Variants in MCTP2 observed in about 807,000 individuals in gnomAD.
MCTP2 encodes multiple C2 and transmembrane domain containing 2.
In MCTP2, 132 loss-of-function variants were observed where a neutral mutation model predicts 111.6. The observed-to-expected ratio is 1.18, with a 90% CI of 1.03 to 1.37. The LOEUF (loss-of-function observed/expected upper bound fraction) is 1.37, where lower values mean the gene tolerates loss of function less well. MCTP2 is among the 40% of genes most tolerant of loss of function. The pLI, the probability that MCTP2 is intolerant of heterozygous loss-of-function variation, is 0.00. For synonymous variants in MCTP2, 395 were observed against 387.7 expected (o/e 1.02, Z -0.22); for missense variants, 1,183 against 1,067.9 (o/e 1.11, Z -1.50).
rs112504876 is a variant in MCTP2, at chr15:94,316,442, C to T, written c.637+805C>T. Reference sequence around the variant, plus strand: ...ACAGTTGAGCTAGACTACCTGGGCCCGGATCTTGGCTTCTCCATTCATGGC... The same window carrying T: ...ACAGTTGAGCTAGACTACCTGGGCCTGGATCTTGGCTTCTCCATTCATGGC... On this transcript the variant is annotated intron_variant, in intron 4 of 22. Transcript: ENST00000357742. 5.3e-5 allele frequency among the ~76,000 whole-genome samples: 8 copies of T among 152,260 alleles called. No homozygotes were observed. In the South Asian group the frequency reaches 1.2e-3, roughly 24 times the overall value.
intron 2 of MCTP2, among the ~76,000 whole-genome samples, chr15:94,305,830 A>G (rs1391715107): frequency 6.6e-6 from 1 of 152,196 alleles, no homozygotes; most frequent in South Asian, 2.1e-4. Context: ...TGAAGAAGCT[A>G]AAGTTAAGGG....
intron 1 of MCTP2, 50 bp from the exon 2 acceptor site, chr15:94,298,151 G>GT (rs1394933650): frequency 0.07 from 40,694 of 583,298 alleles, 1 homozygote; most frequent in Middle Eastern, 0.087. Context: ...GAAGGTTCAT[G>GT]TTTTTTTTTT....
chr15:94,460,946 T>A (rs1359168294), intron 20 of MCTP2, among the ~76,000 whole-genome samples: 1 of 151,582 alleles, frequency 6.6e-6, no homozygotes, highest in Non-Finnish European at 1.5e-5. Context: ...AGGAAAACTT[T>A]TATTCAACTC....
At chr15:94,245,213 T>C (rs1351593761) in intron 1 of MCTP2, among the ~76,000 whole-genome samples, 7 of 141,082 alleles carry the variant, frequency 5.0e-5, no homozygotes, top group East Asian at 2.2e-4. Flanking sequence ...TATTTATACA[T>C]ATGTGTATAT....
chr15:94,309,485 C>T (rs533200362), intron 2 of MCTP2, among the ~76,000 whole-genome samples: 85 of 152,280 alleles, frequency 5.6e-4, no homozygotes, highest in African/African-American at 2.0e-3. Flanking sequence ...CAAACAGTGA[C>T]TGCTTACCTA....
At chr15:94,257,026 C>T (rs1350127875) in intron 1 of MCTP2, among the ~76,000 whole-genome samples, 3 of 152,166 alleles carry the variant, frequency 2.0e-5, no homozygotes, top group African/African-American at 7.2e-5. Flanking sequence ...TCTTTGCTGG[C>T]CCTCATCCCT....
At chr15:94,372,109 A>G (rs2079521673) in intron 12 of MCTP2, among the ~76,000 whole-genome samples, 1 of 152,246 alleles carries the variant, frequency 6.6e-6, no homozygotes, top group South Asian at 2.1e-4. Context: ...TATTCAGTAG[A>G]TAGTTTTGGA....
rs1448113953 is a variant in MCTP2, at chr15:94,314,345, G to A, written c.528+1G>A. 1 of 1,591,218 alleles carries A rather than the reference G, an allele frequency of 6.3e-7. No homozygotes were observed. Among genetic ancestry groups the A allele is most frequent in the African/African-American group, 1.3e-5 (1 of 74,254 alleles). ...ATCTCAACATTTTGAAGAACAATCTGTGAGTGGCATTCCTTAAAAAGAAAC... is the reference window on the plus strand; with the variant it reads ...ATCTCAACATTTTGAAGAACAATCTATGAGTGGCATTCCTTAAAAAGAAAC... On this transcript the variant is annotated splice_donor_variant, in intron 3 of 22. Coordinates refer to ENST00000357742, the MANE Select transcript of MCTP2 (RefSeq NM_001385001.1). LOFTEE classifies it high-confidence loss of function.
At chr15:94,403,758 G>C (rs542048145) in intron 17 of MCTP2, among the ~76,000 whole-genome samples, 3 of 152,322 alleles carry the variant, frequency 2.0e-5, no homozygotes, top group Admixed American at 2.0e-4. Flanking sequence ...CCTCGGAGCA[G>C]AGCCCGCCCC....
intron 17 of MCTP2, among the ~76,000 whole-genome samples, chr15:94,435,150 C>G (rs1007012904): frequency 5.3e-5 from 8 of 152,118 alleles, no homozygotes; most frequent in African/African-American, 1.7e-4. Context: ...CAGGCATGAG[C>G]CACCGTACCC....
intron 3 of MCTP2, chr15:94,314,807 A>G (rs753902887): frequency 1.3e-5 from 6 of 454,212 alleles, no homozygotes; most frequent in Non-Finnish European, 2.2e-5. Flanking sequence ...GAATTCTACA[A>G]TATGGCCAGC....
intron 3 of MCTP2, 75 bp from the exon 4 acceptor site, chr15:94,315,444 TCCCTCCAAAA>T: frequency 1.0e-6 from 1 of 953,858 alleles, no homozygotes; most frequent in Non-Finnish European, 1.6e-6. Context: ...CTTTCTTTTT[TCCCTCCAAAA>T]TCGAGAAGTA....
At chr15:94,350,322 T>C (rs972085092) in intron 8 of MCTP2, among the ~76,000 whole-genome samples, 2 of 152,204 alleles carry the variant, frequency 1.3e-5, no homozygotes, top group African/African-American at 2.4e-5. Flanking sequence ...GCACGGTGGC[T>C]CATGCCTGTA....
At chr15:94,314,133 C>T in intron 2 of MCTP2, 149 bp from the exon 3 acceptor site, 2 of 593,060 alleles carry the variant, frequency 3.4e-6, no homozygotes, top group South Asian at 2.2e-5. Flanking sequence ...ATCCACGTCT[C>T]CTTGCCACAC....
intron 17 of MCTP2, among the ~76,000 whole-genome samples, chr15:94,404,314 T>C (rs1214407518): frequency 6.6e-6 from 1 of 150,606 alleles, no homozygotes; most frequent in Non-Finnish European, 1.5e-5. Context: ...GTTTTTTTTT[T>C]TTTTTGTGAC....
intron 19 of MCTP2, among the ~76,000 whole-genome samples, chr15:94,451,244 GTTTACT>G (rs1482355819): frequency 6.6e-6 from 1 of 151,988 alleles, no homozygotes; most frequent in Non-Finnish European, 1.5e-5. Context: ...TACCAAGTTA[GTTTACT>G]TTTCTCACAG....
At chr15:94,241,034 C>T (rs1047306586) in intron 1 of MCTP2, among the ~76,000 whole-genome samples, 2 of 152,116 alleles carry the variant, frequency 1.3e-5, no homozygotes, top group Non-Finnish European at 1.5e-5. Context: ...AGTATACAGA[C>T]ACGGTGGATG....
intron 17 of MCTP2, among the ~76,000 whole-genome samples, chr15:94,405,080 C>G (rs2081835825): frequency 1.3e-5 from 2 of 152,200 alleles, no homozygotes; most frequent in South Asian, 4.1e-4. Flanking sequence ...GTCAGGTCCT[C>G]TAATTGAAAT....
intron 12 of MCTP2, among the ~76,000 whole-genome samples, chr15:94,375,505 T>C (rs1242057591): frequency 6.6e-6 from 1 of 150,860 alleles, no homozygotes; most frequent in Non-Finnish European, 1.5e-5. Flanking sequence ...TTGCTTGCCT[T>C]CCAGAATTCT....
Sources: gnomAD v4.1 joint callset for allele counts (sites outside exome capture counted in the v4.1 genomes callset) on GRCh38, gnomAD v4.1.1 for gene constraint, MANE v1.5 for transcripts, NCBI Gene and HGNC (gene_info 2026-07-23, HGNC 2026-07-21) for gene names.